DCLK2: variants seen among roughly 807,000 people sequenced by gnomAD.
The protein encoded by DCLK2 is serine/threonine-protein kinase DCLK2.
Under a neutral mutation model 78.4 loss-of-function variants are expected in DCLK2, and 31 were observed. The observed-to-expected ratio is 0.40, with a 90% CI of 0.30 to 0.53. The LOEUF (loss-of-function observed/expected upper bound fraction) is 0.53, where lower values mean the gene tolerates loss of function less well. Ranked by LOEUF, DCLK2 falls within the 20% of genes least tolerant of loss-of-function variation. The probability of loss-of-function intolerance (pLI) is 0.61; values close to 1 mark genes in which losing one functional copy is unlikely to be tolerated. For synonymous variants in DCLK2, 407 were observed against 374.9 expected (o/e 1.09, Z -0.99); for missense variants, 872 against 973.7 (o/e 0.90, Z 1.39).
At chr4:150,206,685 T>C (rs1739868614) in intron 5 of DCLK2, among the ~76,000 whole-genome samples, 1 of 152,238 alleles carries the variant, frequency 6.6e-6, no homozygotes, top group African/African-American at 2.4e-5. Flanking sequence ...ACTTCAATGC[T>C]GTTGTAAAAC....
At chr4:150,225,388 A>T (rs1247768845) in intron 8 of DCLK2, among the ~76,000 whole-genome samples, 6 of 152,240 alleles carry the variant, frequency 3.9e-5, no homozygotes, top group Admixed American at 1.3e-4. Flanking sequence ...CAACCAATAA[A>T]ATGCTGCTGC....
At chr4:150,228,286 T>G (rs1183047838) in intron 8 of DCLK2, among the ~76,000 whole-genome samples, 1 of 152,232 alleles carries the variant, frequency 6.6e-6, no homozygotes, top group Non-Finnish European at 1.5e-5. Flanking sequence ...GTATCCATTA[T>G]TCAGTCTGTT....
At chr4:150,169,957 A>C (rs1736391558) in intron 2 of DCLK2, among the ~76,000 whole-genome samples, 1 of 152,248 alleles carries the variant, frequency 6.6e-6, no homozygotes, top group South Asian at 2.1e-4. Flanking sequence ...ATGTACTTAT[A>C]CTAAAAAATG....
At chr4:150,209,432 G>C (rs200508833) in intron 5 of DCLK2, among the ~76,000 whole-genome samples, 5 of 152,202 alleles carry the variant, frequency 3.3e-5, no homozygotes, top group African/African-American at 1.2e-4. Flanking sequence ...CCTTTGTTAC[G>C]AGGCTACAGA....
At chr4:150,227,555 C>T (rs1481207805) in intron 8 of DCLK2, among the ~76,000 whole-genome samples, 2 of 152,146 alleles carry the variant, frequency 1.3e-5, no homozygotes, top group Non-Finnish European at 2.9e-5. Context: ...ACAGTCTGAG[C>T]AAAGGCCCAG....
chr4:150,203,250 G>A (rs920299967), intron 4 of DCLK2, among the ~76,000 whole-genome samples: 1 of 152,152 alleles, frequency 6.6e-6, no homozygotes, highest in Non-Finnish European at 1.5e-5. Flanking sequence ...CAGACTTTGA[G>A]CAAATAAGTA....
chr4:150,082,518 C>T (rs1340693233), intron 1 of DCLK2, among the ~76,000 whole-genome samples: 1 of 152,116 alleles, frequency 6.6e-6, no homozygotes, highest in Non-Finnish European at 1.5e-5. Flanking sequence ...TGAGCTGGCA[C>T]TCCTCCAGCA....
chr4:150,113,695 A>G (rs1213381583), intron 2 of DCLK2, among the ~76,000 whole-genome samples: 1 of 115,156 alleles, frequency 8.7e-6, no homozygotes, highest in East Asian at 2.2e-4. Context: ...CAAAGAACCA[A>G]CCTTTTTTTT....
intron 15 of DCLK2, among the ~76,000 whole-genome samples, chr4:150,252,896 A>G (rs1439055300): frequency 6.6e-6 from 1 of 152,158 alleles, no homozygotes; most frequent in African/African-American, 2.4e-5. Flanking sequence ...ACCTACAGGG[A>G]AATTCAATCA....
chr4:150,226,125 G>A (rs761308152), intron 8 of DCLK2, among the ~76,000 whole-genome samples: 3 of 151,830 alleles, frequency 2.0e-5, no homozygotes, highest in Non-Finnish European at 4.4e-5. Context: ...ACAAAATAGT[G>A]TATTTTTAAC....
Position 150,175,096 on chromosome 4 carries a change from A to ATATATTTG in DCLK2, c.757-18037_757-18036insTTGTATAT, listed in dbSNP as rs1560835085. On this transcript the variant is annotated intron_variant, in intron 2 of 15. Transcript: ENST00000296550. ...TATTTATATATTTATATATATATTTATATATATTTATATATTTATATTTTT... is the reference window on the plus strand; with the variant it reads ...TATTTATATATTTATATATATATTTATATATTTGTATATATTTATATATTTATATTTTT... Among the ~76,000 whole-genome samples, 2 of 51,016 alleles carry ATATATTTG rather than the reference A, an allele frequency of 3.9e-5. 1 individual carries two copies. Among genetic ancestry groups the ATATATTTG allele is most frequent in the African/African-American group, 2.0e-4 (2 of 9,978 alleles). The allele number at this position is 51,016 out of a possible 152,430, so 33.5% of individuals were successfully genotyped here.
rs148815324 is a variant in DCLK2, at chr4:150,094,457, G to A, written c.422-8021G>A. ...TACAAAGTGCGCTTGGACTCTTGGTGTTTTAATGGTCTGAAATGGAAAAGA... is the reference window on the plus strand; with the variant it reads ...TACAAAGTGCGCTTGGACTCTTGGTATTTTAATGGTCTGAAATGGAAAAGA... On this transcript the variant is annotated intron_variant, in intron 1 of 15. Transcript: ENST00000296550. Among the ~76,000 whole-genome samples, 1,013 of 152,290 alleles carry A rather than the reference G, an allele frequency of 6.7e-3. 9 individuals carry two copies. Among genetic ancestry groups the A allele is most frequent in the African/African-American group, 0.021 (872 of 41,544 alleles).
intron 1 of DCLK2, among the ~76,000 whole-genome samples, chr4:150,101,911 T>C (rs1363742194): frequency 6.6e-6 from 1 of 152,194 alleles, no homozygotes; most frequent in Non-Finnish European, 1.5e-5. Flanking sequence ...GCCAGAACTC[T>C]TCCATAATGT....
chr4:150,168,073 G>A (rs997569869), intron 2 of DCLK2, among the ~76,000 whole-genome samples: 2 of 152,242 alleles, frequency 1.3e-5, no homozygotes, highest in African/African-American at 4.8e-5. Flanking sequence ...GCCAGGTGCG[G>A]TGGCTCACGC....
rs539280726 is a variant in DCLK2 at position 150,222,709 on chromosome 4, A to C, written c.1241+924A>C. 5.3e-5 allele frequency among the ~76,000 whole-genome samples: 8 copies of C among 151,868 alleles called. No individual in the cohort carries two copies. In the South Asian group the frequency reaches 1.5e-3, roughly 28 times the overall value. ...AAAAACAAGACAAACAAAAAAAAAAACAAAAAAAATTCCAGGTTGGGTGGC... is the reference window on the plus strand; with the variant it reads ...AAAAACAAGACAAACAAAAAAAAAACCAAAAAAAATTCCAGGTTGGGTGGC... On this transcript the variant is annotated intron_variant, in intron 7 of 15. Coordinates refer to ENST00000296550, the MANE Select transcript of DCLK2 (RefSeq NM_001040260.4).
chr4:150,139,758 A>T (rs1403352175), intron 2 of DCLK2, among the ~76,000 whole-genome samples: 1 of 152,232 alleles, frequency 6.6e-6, no homozygotes, highest in Non-Finnish European at 1.5e-5. Context: ...AAACTGGCTT[A>T]TTTAGGGTAG....
At chr4:150,197,748 C>T (rs1031566327) in intron 3 of DCLK2, among the ~76,000 whole-genome samples, 4 of 150,736 alleles carry the variant, frequency 2.7e-5, no homozygotes, top group East Asian at 1.9e-4. Context: ...GAGCCCAGAT[C>T]GCGCCATTGC....
intron 2 of DCLK2, among the ~76,000 whole-genome samples, chr4:150,146,352 T>G (rs1734474307): frequency 6.6e-6 from 1 of 152,212 alleles, no homozygotes; most frequent in Non-Finnish European, 1.5e-5. Flanking sequence ...TTTCACAAAG[T>G]CCTCAGCTAT....
chr4:150,197,176 G>T (rs1739107051), intron 3 of DCLK2, among the ~76,000 whole-genome samples: 1 of 151,476 alleles, frequency 6.6e-6, no homozygotes, highest in Non-Finnish European at 1.5e-5. Flanking sequence ...AAAAGAGAGA[G>T]AGAAAAAGCT....
Sources: allele counts gnomAD v4.1 joint callset (sites outside exome capture counted in the v4.1 genomes callset), GRCh38; gene constraint gnomAD v4.1.1; transcripts MANE v1.5; gene names NCBI Gene and HGNC (gene_info 2026-07-23, HGNC 2026-07-21).